The following EXOSC10 variants were observed in gnomAD, a reference collection of about 807,000 sequenced individuals.
The protein encoded by EXOSC10 is exosome complex component 10.
In EXOSC10, 94 loss-of-function variants were observed where a neutral mutation model predicts 126.6. The ratio of observed to expected loss-of-function variants is 0.74; its 90% CI spans 0.63 to 0.88. The LOEUF is 0.88. Among genes scored for constraint, EXOSC10 ranks in the 40% least tolerant of loss-of-function variants. The probability of loss-of-function intolerance (pLI) is 0.00; values close to 1 mark genes in which losing one functional copy is unlikely to be tolerated. For missense variants in EXOSC10, 1,041 were observed against 1,100.5 expected (o/e 0.95, Z 0.77); for synonymous variants, 395 against 400.8 (o/e 0.99, Z 0.17).
At chr1:11,098,179 G>C in intron 1 of EXOSC10, 23 bp from the exon 2 acceptor site, 2 of 1,586,214 alleles carry the variant, frequency 1.3e-6, no homozygotes, top group Non-Finnish European at 1.7e-6. Context: ...AGAAAAGATG[G>C]CATGTTTACA....
chr1:11,083,775 C>A, intron 9 of EXOSC10, among the ~76,000 whole-genome samples: 1 of 152,122 alleles, frequency 6.6e-6, no homozygotes, highest in Admixed American at 6.6e-5. Flanking sequence ...TATCCCTCCC[C>A]CCTTTCCCCA....
rs201583109 is a variant in EXOSC10, at chr1:11,095,869, T to C, written c.261A>G (p.Val87=). 1.1e-5 allele frequency: 17 copies of C among 1,612,878 alleles called. No homozygotes were observed. The Admixed American group carries it at 2.5e-4, about 24-fold the overall frequency. The change falls in exon 3 of 25, where the codon GTA becomes GTG. Residue 87 remains valine, a synonymous_variant. Transcript: ENST00000376936. ...GDRLLQCMSR[V]MQYHGCRSNI... is the part of the protein sequence containing the mutation. ...TGCTGCGACACCCATGGTACTGCATTACTCTGCTCATGCTAAGGAAAGGAA... is the reference window on the plus strand; with the variant it reads ...TGCTGCGACACCCATGGTACTGCATCACTCTGCTCATGCTAAGGAAAGGAA...
chr1:11,074,474 G>A, intron 17 of EXOSC10, 148 bp from the exon 18 acceptor site: 1 of 588,618 alleles, frequency 1.7e-6, no homozygotes, highest in Non-Finnish European at 3.0e-6. Flanking sequence ...GTACAGTGGT[G>A]TGATCTCTGC....
At chr1:11,093,058 C>A (rs1640889140) in intron 3 of EXOSC10, among the ~76,000 whole-genome samples, 1 of 151,970 alleles carries the variant, frequency 6.6e-6, no homozygotes, top group Non-Finnish European at 1.5e-5. Context: ...TAAATGATCG[C>A]CTATACAATT....
At position 11,098,061 on chromosome 1, in the gene EXOSC10, G is replaced by C. The variant is rs200699882; in HGVS notation, c.207C>G (p.Phe69Leu). 1 of 1,611,856 alleles carries C rather than the reference G, an allele frequency of 6.2e-7. No homozygotes were observed. Among genetic ancestry groups the C allele is most frequent in the African/African-American group, 1.3e-5 (1 of 74,920 alleles). The change falls in exon 2 of 25, where the codon TTC becomes TTG. Residue 69 changes from phenylalanine to leucine, a missense_variant. Physicochemically the swap from Phe to Leu is conservative, Grantham distance 22 (BLOSUM62 0). Coordinates refer to ENST00000376936, the MANE Select transcript of EXOSC10 (RefSeq NM_001001998.3). ...CTCCCTGTGTTTCGCAAAATGCTTGGAAGCCAGGAAAACTTCGGTAAAAAT... is the reference window on the plus strand; with the variant it reads ...CTCCCTGTGTTTCGCAAAATGCTTGCAAGCCAGGAAAACTTCGGTAAAAAT... ...EYDFYRSFPG[F>L]QAFCETQGDR...
chr1:11,067,871 C>CG, intron 24 of EXOSC10, 137 bp downstream of exon 24: 4 of 681,534 alleles, frequency 5.9e-6, no homozygotes. Context: ...AGGGACCTGG[C>CG]TGTGGGAGGT....
intron 19 of EXOSC10, 110 bp downstream of exon 19, chr1:11,073,824 G>A: frequency 1.3e-6 from 1 of 784,804 alleles, no homozygotes; most frequent in Non-Finnish European, 2.0e-6. Context: ...GTTGCAGTGA[G>A]TCAAGATTGT....
chr1:11,087,760 A>G (rs1452335902), intron 8 of EXOSC10, 40 bp downstream of exon 8: 1 of 1,547,648 alleles, frequency 6.5e-7, no homozygotes, highest in Admixed American at 1.8e-5. Flanking sequence ...GAACTCACAG[A>G]AAAATGTAAA....
intron 9 of EXOSC10, among the ~76,000 whole-genome samples, chr1:11,083,104 C>T (rs1263447009): frequency 6.6e-6 from 1 of 152,280 alleles, no homozygotes; most frequent in East Asian, 1.9e-4. Flanking sequence ...CGTGCCACCA[C>T]GCCCAGCTAA....
chr1:11,073,073 T>C (rs1639600073), intron 19 of EXOSC10: 3 of 152,226 alleles, frequency 2.0e-5, no homozygotes, highest in Admixed American at 2.0e-4. Flanking sequence ...TTACTACATA[T>C]AGATTAAACC....
At chr1:11,082,193 G>A (rs1003237896) in intron 10 of EXOSC10, among the ~76,000 whole-genome samples, 1 of 152,074 alleles carries the variant, frequency 6.6e-6, no homozygotes, top group African/African-American at 2.4e-5. Context: ...GCAACCAAGC[G>A]GAAAACGACC....
chr1:11,067,893 T>C, intron 24 of EXOSC10, 115 bp downstream of exon 24: 1 of 830,428 alleles, frequency 1.2e-6, no homozygotes, highest in South Asian at 1.7e-5. Context: ...CTCTGAGTCA[T>C]CCTGGTTGAA....
At chr1:11,088,002 A>C (rs1640595540) in intron 7 of EXOSC10, 92 bp from the exon 8 acceptor site, 1 of 1,245,452 alleles carries the variant, frequency 8.0e-7, no homozygotes, top group Non-Finnish European at 1.2e-6. Context: ...GAAATGACCC[A>C]AAACTGTAAC....
At chr1:11,083,899 T>C (rs1365660753) in intron 9 of EXOSC10, among the ~76,000 whole-genome samples, 2 of 152,280 alleles carry the variant, frequency 1.3e-5, no homozygotes, top group East Asian at 1.9e-4. Context: ...GTTCTTGCGA[T>C]AGTTTACTGA....
chr1:11,087,388 T>C, intron 9 of EXOSC10, 60 bp downstream of exon 9: 1 of 1,599,120 alleles, frequency 6.3e-7, no homozygotes, highest in Non-Finnish European at 8.6e-7. Flanking sequence ...AATAGTACAC[T>C]GAAAAGCACT....
intron 1 of EXOSC10, among the ~76,000 whole-genome samples, chr1:11,099,442 G>A (rs1641303242): frequency 6.6e-6 from 1 of 152,248 alleles, no homozygotes; most frequent in Non-Finnish European, 1.5e-5. Flanking sequence ...AAGGGCTAGG[G>A]ACGTCTGGGT....
intron 20 of EXOSC10, 191 bp from the exon 21 acceptor site, chr1:11,071,164 C>G (rs1385184845): frequency 1.7e-6 from 1 of 584,888 alleles, no homozygotes; most frequent in African/African-American, 1.9e-5. Context: ...CTCTGCCCAC[C>G]TTCAGCTACA....
At chr1:11,095,037 C>T (rs527807681) in intron 3 of EXOSC10, among the ~76,000 whole-genome samples, 6 of 152,052 alleles carry the variant, frequency 3.9e-5, no homozygotes, top group East Asian at 2.0e-4. Context: ...TATGACAAAA[C>T]GATGTCTCTA....
intron 8 of EXOSC10, 65 bp downstream of exon 8, chr1:11,087,735 A>G: frequency 1.4e-6 from 2 of 1,479,942 alleles, no homozygotes; most frequent in Admixed American, 2.0e-5. Flanking sequence ...TTAATTTTAT[A>G]CTTCTCCAAC....
Sources: gnomAD v4.1 joint callset for allele counts (sites outside exome capture counted in the v4.1 genomes callset) on GRCh38, gnomAD v4.1.1 for gene constraint, MANE v1.5 for transcripts, NCBI Gene and HGNC (gene_info 2026-07-23, HGNC 2026-07-21) for gene names.